Variants in LMNB1 observed in about 807,000 individuals in gnomAD.
The protein encoded by LMNB1 is lamin B1.
LMNB1 carries 23 observed loss-of-function variants against 67.1 expected under a neutral mutation model. That is an observed-to-expected ratio of 0.34 (90% CI 0.25 to 0.49). The LOEUF is 0.49. Ranked by LOEUF, LMNB1 falls within the 20% of genes least tolerant of loss-of-function variation. The pLI, the probability that LMNB1 is intolerant of heterozygous loss-of-function variation, is 0.99. For synonymous variants in LMNB1, 281 were observed against 282.9 expected, an observed-to-expected ratio of 0.99 and a Z score of 0.07; for missense variants, 634 against 746.5, an observed-to-expected ratio of 0.85 and a Z score of 1.76.
At chr5:126,820,241 AG>A (rs1486401155) in intron 6 of LMNB1, among the ~76,000 whole-genome samples, 5 of 152,374 alleles carry the variant, frequency 3.3e-5, no homozygotes, top group African/African-American at 1.2e-4. Context: ...TGTGATCATA[AG>A]AAAGTACAGG....
intron 1 of LMNB1, among the ~76,000 whole-genome samples, chr5:126,780,107 G>C (rs1174476695): frequency 6.6e-6 from 1 of 151,990 alleles, no homozygotes; most frequent in African/African-American, 2.4e-5. Flanking sequence ...CAGGAGAATC[G>C]CTTGATATCC....
At chr5:126,819,798 A>G (rs1256377695) in intron 6 of LMNB1, among the ~76,000 whole-genome samples, 2 of 152,088 alleles carry the variant, frequency 1.3e-5, no homozygotes, top group Non-Finnish European at 2.9e-5. Context: ...GGCTTTATAT[A>G]TATTTTAAAT....
chr5:126,808,091 C>T (rs1050425014), intron 3 of LMNB1, among the ~76,000 whole-genome samples: 10 of 151,948 alleles, frequency 6.6e-5, no homozygotes, highest in African/African-American at 2.2e-4. Context: ...AGGCTGGTCT[C>T]GAACTCCTGA....
chr5:126,828,612 T>C (rs1449153679), intron 9 of LMNB1, among the ~76,000 whole-genome samples: 1 of 151,522 alleles, frequency 6.6e-6, no homozygotes. Flanking sequence ...AGTTTCACTC[T>C]GTTGCCCAGG....
rs199506875 is a variant in LMNB1, at chr5:126,796,758, ATTTTCT to A, written c.360-8001_360-7996del. On this transcript the variant is annotated intron_variant, in intron 1 of 10. Coordinates refer to ENST00000261366, the MANE Select transcript of LMNB1 (RefSeq NM_005573.4). ...AATATAAATATATCCTTTCTAGCTA[ATTTTCT>A]TTTTCTTTTTCTTTTTTCTTTCTTT... is the stretch of plus-strand genomic sequence containing the variant. Among the ~76,000 whole-genome samples the A allele has an allele frequency of 7.6e-3, 1,110 of 145,718 alleles. 20 individuals carry two copies. The highest frequency in any genetic ancestry group is 0.027 in the African/African-American group (1,058 of 39,542).
At chr5:126,805,992 G>GC (rs1452488024) in intron 3 of LMNB1, among the ~76,000 whole-genome samples, 1 of 152,062 alleles carries the variant, frequency 6.6e-6, no homozygotes, top group Admixed American at 6.6e-5. Flanking sequence ...GTCTTGCTCT[G>GC]CCGCCAGGCT....
At chr5:126,793,424 C>CT (rs1436061125) in intron 1 of LMNB1, among the ~76,000 whole-genome samples, 1 of 151,996 alleles carries the variant, frequency 6.6e-6, no homozygotes, top group Non-Finnish European at 1.5e-5. Flanking sequence ...TTGCCTGAGT[C>CT]TGATTAGGTT....
At chr5:126,803,811 A>G (rs1019246368) in intron 1 of LMNB1, among the ~76,000 whole-genome samples, 14 of 152,142 alleles carry the variant, frequency 9.2e-5, no homozygotes, top group East Asian at 3.9e-4. Flanking sequence ...TTGGCCTTCC[A>G]AAGTGCTGGG....
At chr5:126,800,977 A>AATTTTTTTTTTTTTT (rs1481273764) in intron 1 of LMNB1, among the ~76,000 whole-genome samples, 14 of 38,268 alleles carry the variant, frequency 3.7e-4, no homozygotes, top group East Asian at 7.3e-4. Flanking sequence ...ATATATATAT[A>AATTTTTTTTTTTTTT]TATAATTTTT....
chr5:126,785,457 A>AT (rs1008441146), intron 1 of LMNB1, among the ~76,000 whole-genome samples: 8 of 145,800 alleles, frequency 5.5e-5, no homozygotes, highest in African/African-American at 7.6e-5. Flanking sequence ...ACGTCGGCTA[A>AT]TTTTTTTTTT....
Position 126,789,130 on chromosome 5 carries a change from G to T in LMNB1, c.359+11263G>T, listed in dbSNP as rs527638467. On this transcript the variant is annotated intron_variant, in intron 1 of 10. Coordinates refer to ENST00000261366, the MANE Select transcript of LMNB1 (RefSeq NM_005573.4). Reference sequence around the variant, plus strand: ...CTTGAACTTTGAGCTCAAGCAATCCGCCTGCCTCGGCCTCTCAAAGTGTTG... The same window carrying T: ...CTTGAACTTTGAGCTCAAGCAATCCTCCTGCCTCGGCCTCTCAAAGTGTTG... 4.6e-5 allele frequency among the ~76,000 whole-genome samples: 7 copies of T among 152,058 alleles called. No individual in the cohort carries two copies. The South Asian group carries it at 1.5e-3, about 32-fold the overall frequency.
At chr5:126,812,049 A>G (rs188542052) in intron 5 of LMNB1, 151 bp downstream of exon 5, 9 of 687,758 alleles carry the variant, frequency 1.3e-5, no homozygotes, top group Non-Finnish European at 2.2e-5. Flanking sequence ...GTACTTTTCT[A>G]GATTCGTTCA....
Position 126,777,383 on chromosome 5 carries a change from G to T in LMNB1, c.-126G>T, listed in dbSNP as rs1580517685. On this transcript the variant is annotated 5_prime_UTR_variant, in exon 1 of 11. Transcript: ENST00000261366. ...CAGGTGCTTCTCCGTTCCTCTAAAC[G>T]CCAGCGTCTGGACGTGAGCGCAGGT... 5.3e-6 allele frequency: 6 copies of T among 1,126,882 alleles called. No homozygotes were observed. Among genetic ancestry groups the T allele is most frequent in the Non-Finnish European group, 6.7e-6 (6 of 892,218 alleles). 69.8% of individuals were successfully genotyped at this position (1,126,882 alleles called of 1,614,324 possible).
chr5:126,806,103 C>T (rs574359166), intron 3 of LMNB1, among the ~76,000 whole-genome samples: 90 of 152,138 alleles, frequency 5.9e-4, no homozygotes, highest in African/African-American at 1.9e-3. Flanking sequence ...TACAGGCGTG[C>T]GCCACCACGC....
At chr5:126,823,374 G>A (rs1273814050) in intron 8 of LMNB1, among the ~76,000 whole-genome samples, 1 of 152,070 alleles carries the variant, frequency 6.6e-6, no homozygotes, top group Non-Finnish European at 1.5e-5. Context: ...TTCACTAATT[G>A]GCATTCTGTG....
chr5:126,816,588 A>G (rs1751711785), intron 5 of LMNB1, among the ~76,000 whole-genome samples: 1 of 152,134 alleles, frequency 6.6e-6, no homozygotes, highest in Admixed American at 6.6e-5. Flanking sequence ...TCGTCTCCAG[A>G]CTATTTGGAT....
chr5:126,808,934 G>A (rs1751520429), intron 3 of LMNB1, among the ~76,000 whole-genome samples: 1 of 151,242 alleles, frequency 6.6e-6, no homozygotes, highest in South Asian at 2.1e-4. Context: ...GGAATGCAGT[G>A]GTGCGATCTT....
At chr5:126,829,261 G>A (rs1360035306) in intron 9 of LMNB1, among the ~76,000 whole-genome samples, 1 of 151,910 alleles carries the variant, frequency 6.6e-6, no homozygotes, top group African/African-American at 2.4e-5. Context: ...TAATCCAGTG[G>A]CTCACAGCAT....
chr5:126,783,433 A>G (rs1020352393), intron 1 of LMNB1, among the ~76,000 whole-genome samples: 1 of 152,098 alleles, frequency 6.6e-6, no homozygotes, highest in Non-Finnish European at 1.5e-5. Flanking sequence ...ACTGCTTTTC[A>G]TAGTTCTTTT....
Sources: allele counts gnomAD v4.1 joint callset (sites outside exome capture counted in the v4.1 genomes callset), GRCh38; gene constraint gnomAD v4.1.1; transcripts MANE v1.5; gene names NCBI Gene and HGNC (gene_info 2026-07-23, HGNC 2026-07-21).